PPP4R2: variants seen among roughly 807,000 people sequenced by gnomAD.
PPP4R2 encodes protein phosphatase 4 regulatory subunit 2, also known as serine/threonine-protein phosphatase 4 regulatory subunit 2.
PPP4R2 carries 13 observed loss-of-function variants against 47.2 expected under a neutral mutation model. The ratio of observed to expected loss-of-function variants is 0.28; its 90% CI spans 0.18 to 0.44. The LOEUF (loss-of-function observed/expected upper bound fraction) is 0.44. Ranked by LOEUF, PPP4R2 falls within the 20% of genes least tolerant of loss-of-function variation. The pLI is 1.00. For synonymous variants in PPP4R2, 151 were observed against 163.3 expected (o/e 0.92, Z 0.57); for missense variants, 421 against 491.2 (o/e 0.86, Z 1.35).
Position 73,064,286 on chromosome 3 carries a change from CTT to C in PPP4R2, c.638+142_638+143del, listed in dbSNP as rs369681085. On this transcript the variant is annotated intron_variant, in intron 7 of 8. Coordinates refer to ENST00000356692, the MANE Select transcript of PPP4R2 (RefSeq NM_174907.4). Reference sequence around the variant, plus strand: ...GCGGTTTATAGGAGCACTGGCTTCTCTTTGCAGCTGTAGCAAATGTTGAAGGT... The same window carrying C: ...GCGGTTTATAGGAGCACTGGCTTCTCTGCAGCTGTAGCAAATGTTGAAGGT... The C allele has an allele frequency of 2.9e-5, 20 of 693,460 alleles. 1 individual carries two copies. The African/African-American group carries it at 3.1e-4, about 11-fold the overall frequency. The allele number at this position is 693,460 out of a possible 1,614,324, so 43.0% of individuals were successfully genotyped here.
chr3:73,063,632 A>C (rs918016976), intron 5 of PPP4R2, 41 bp from the exon 6 acceptor site: 2 of 1,265,280 alleles, frequency 1.6e-6, no homozygotes, highest in Admixed American at 3.4e-5. Flanking sequence ...CCATCTAAAA[A>C]AAAATTAAGT....
intron 2 of PPP4R2, among the ~76,000 whole-genome samples, chr3:73,000,558 A>G (rs1701437932): frequency 6.6e-6 from 1 of 152,170 alleles, no homozygotes; most frequent in Non-Finnish European, 1.5e-5. Flanking sequence ...TTGTAGGAAA[A>G]ATGGAGGAGG....
At chr3:73,018,453 T>G (rs866502690) in intron 2 of PPP4R2, among the ~76,000 whole-genome samples, 3 of 5,450 alleles carry the variant, frequency 5.5e-4, no homozygotes, top group African/African-American at 1.7e-3. Flanking sequence ...GTTATGTTAT[T>G]TATGTTATGT....
chr3:73,060,894 T>A, intron 4 of PPP4R2, 129 bp from the exon 5 acceptor site: 1 of 552,836 alleles, frequency 1.8e-6, no homozygotes, highest in South Asian at 3.0e-5. Context: ...TTTTAACCAT[T>A]TTCCTTTACT....
chr3:73,049,366 G>T lies in PPP4R2; in HGVS notation c.287+2010G>T, dbSNP rs1008539821. ...ACAGAAAAATCAGCTGGGCGTTGTC[G>T]CGGACGCCCATAATCCCAGCTACTC... On this transcript the variant is annotated intron_variant, in intron 3 of 8. Transcript: ENST00000356692. Among the ~76,000 whole-genome samples, 9 of 152,048 alleles carry T rather than the reference G, an allele frequency of 5.9e-5. 1 individual carries two copies. The highest frequency in any genetic ancestry group is 8.8e-5 in the Non-Finnish European group (6 of 68,028).
At chr3:73,033,503 T>C (rs552658957) in intron 2 of PPP4R2, among the ~76,000 whole-genome samples, 1 of 152,340 alleles carries the variant, frequency 6.6e-6, no homozygotes, top group East Asian at 1.9e-4. Flanking sequence ...CTGGGAATTA[T>C]TTATGGATTG....
At chr3:73,053,001 T>G (rs1702651809) in intron 3 of PPP4R2, among the ~76,000 whole-genome samples, 1 of 152,240 alleles carries the variant, frequency 6.6e-6, no homozygotes, top group African/African-American at 2.4e-5. Context: ...AGTTTGTGTG[T>G]TGTTTGCTTT....
intron 3 of PPP4R2, among the ~76,000 whole-genome samples, chr3:73,055,074 TC>T (rs1702702206): frequency 6.6e-6 from 1 of 152,188 alleles, no homozygotes; most frequent in Admixed American, 6.6e-5. Flanking sequence ...AAATGTGTGG[TC>T]CTATTAATTA....
At chr3:73,013,676 T>C (rs1320887582) in intron 2 of PPP4R2, among the ~76,000 whole-genome samples, 1 of 152,138 alleles carries the variant, frequency 6.6e-6, no homozygotes, top group Non-Finnish European at 1.5e-5. Context: ...TCTTGCTCTG[T>C]TGCCTAGGCA....
At chr3:73,048,503 C>T (rs913731360) in intron 3 of PPP4R2, among the ~76,000 whole-genome samples, 4 of 152,202 alleles carry the variant, frequency 2.6e-5, no homozygotes, top group African/African-American at 4.8e-5. Context: ...ATCCGCCCAC[C>T]TCAGCCTCCC....
At chr3:73,044,576 A>G (rs1288327083) in intron 2 of PPP4R2, among the ~76,000 whole-genome samples, 1 of 152,162 alleles carries the variant, frequency 6.6e-6, no homozygotes, top group Non-Finnish European at 1.5e-5. Flanking sequence ...ACGGAGTGAC[A>G]CTGTCTCAGA....
At chr3:73,040,009 G>A (rs1416692010) in intron 2 of PPP4R2, among the ~76,000 whole-genome samples, 2 of 152,130 alleles carry the variant, frequency 1.3e-5, no homozygotes, top group Admixed American at 6.5e-5. Flanking sequence ...AGCCGAGATC[G>A]CCATTGCACT....
At chr3:72,997,980 T>G in intron 1 of PPP4R2, 97 bp from the exon 2 acceptor site, 2 of 826,804 alleles carry the variant, frequency 2.4e-6, no homozygotes, top group Non-Finnish European at 2.0e-6. Context: ...ATTTTGTATT[T>G]AATTGATTTT....
intron 2 of PPP4R2, among the ~76,000 whole-genome samples, chr3:73,028,962 T>G (rs925499441): frequency 4.6e-5 from 7 of 152,200 alleles, no homozygotes; most frequent in Non-Finnish European, 7.3e-5. Flanking sequence ...TGTTGTTGTT[T>G]TTTTGAGACA....
At chr3:73,002,634 CTTTTTTTTTTTT>C (rs1173734970) in intron 2 of PPP4R2, among the ~76,000 whole-genome samples, 31 of 41,168 alleles carry the variant, frequency 7.5e-4, no homozygotes, top group Non-Finnish European at 1.2e-3. Flanking sequence ...CTTTTCTTTT[CTTTTTTTTTTTT>C]TTTTTTTTTT....
chr3:73,027,320 G>T (rs1251884486), intron 2 of PPP4R2, among the ~76,000 whole-genome samples: 1 of 152,156 alleles, frequency 6.6e-6, no homozygotes, highest in African/African-American at 2.4e-5. Context: ...TAGAGACGGG[G>T]TTTCACCATG....
intron 4 of PPP4R2, 57 bp from the exon 5 acceptor site, chr3:73,060,966 A>G: frequency 1.6e-6 from 2 of 1,240,310 alleles, no homozygotes. Context: ...AAAAATGATG[A>G]AACTTTATGT....
At chr3:73,011,306 C>A (rs185050461) in intron 2 of PPP4R2, among the ~76,000 whole-genome samples, 1,957 of 152,174 alleles carry the variant, frequency 0.013, 18 homozygotes, top group South Asian at 0.024. Flanking sequence ...ATGGTGAAAC[C>A]CTGCCTCTAC....
At chr3:73,040,370 G>A (rs1025324258) in intron 2 of PPP4R2, among the ~76,000 whole-genome samples, 2 of 151,990 alleles carry the variant, frequency 1.3e-5, no homozygotes, top group African/African-American at 2.4e-5. Context: ...TTCATACTTC[G>A]GACTCAATAA....
Sources: allele counts gnomAD v4.1 joint callset (sites outside exome capture counted in the v4.1 genomes callset), GRCh38; gene constraint gnomAD v4.1.1; transcripts MANE v1.5; gene names NCBI Gene and HGNC (gene_info 2026-07-23, HGNC 2026-07-21).